Variants in TGM4 observed in about 807,000 individuals in gnomAD.
The protein encoded by TGM4 is protein-glutamine gamma-glutamyltransferase 4.
In TGM4, 61 loss-of-function variants were observed where a neutral mutation model predicts 76.3. That is an observed-to-expected ratio of 0.80 (90% CI 0.65 to 0.99). The LOEUF (loss-of-function observed/expected upper bound fraction) is 0.99, where lower values mean the gene tolerates loss of function less well. TGM4 is among the 50% of genes least tolerant of loss of function. The pLI is 0.00. For missense variants in TGM4, 794 were observed against 843.2 expected, an observed-to-expected ratio of 0.94 and a Z score of 0.72; for synonymous variants, 337 against 329.8, an observed-to-expected ratio of 1.02 and a Z score of -0.24.
rs1411303413 is a variant in TGM4 at position 44,910,360 on chromosome 3, A to G, written c.1598A>G (p.Gln533Arg). Residue 533 changes from glutamine (Q) to arginine (R), a missense_variant, in exon 11 of 14, where the codon CAA becomes CGA. Physicochemically the swap from Gln to Arg is conservative, Grantham distance 43. Transcript: ENST00000296125. ...LCDLNKTSQI[Q>R]GQVSEVTLTL... Reference sequence around the variant, plus strand: ...GACCTCAATAAGACCTCGCAGATCCAAGGTCAAGGTACCAGAACCAGAGGG... The same window carrying G: ...GACCTCAATAAGACCTCGCAGATCCGAGGTCAAGGTACCAGAACCAGAGGG... 2.5e-6 allele frequency: 4 copies of G among 1,613,432 alleles called. No homozygotes were observed. Among genetic ancestry groups the G allele is most frequent in the Non-Finnish European group, 2.5e-6 (3 of 1,179,444 alleles).
intron 5 of TGM4, among the ~76,000 whole-genome samples, chr3:44,895,863 A>G (rs1699772255): frequency 6.6e-6 from 1 of 152,224 alleles, no homozygotes; most frequent in African/African-American, 2.4e-5. Context: ...TGAGATATAA[A>G]TGATATCTTG....
rs36081973 is a variant in TGM4 at position 44,885,365 on chromosome 3, C to T, written c.60C>T (p.Asn20=). Residue 20 remains asparagine, a synonymous_variant, in exon 2 of 14, where the codon AAC becomes AAT. Coordinates refer to ENST00000296125, the MANE Select transcript of TGM4 (RefSeq NM_003241.4). ...VLHIDFLNQD[N]AVSHHTWEFQ... is the part of the protein sequence containing the mutation. ...ACATTGACTTCTTGAATCAGGACAA[C>T]GCCGTTTCTCACCACACATGGGAGT... 2.5e-3 allele frequency: 4,112 copies of T among 1,613,706 alleles called. 11 individuals are homozygous for T. Among genetic ancestry groups the T allele is most frequent in the Admixed American group, 4.1e-3 (244 of 59,998 alleles).
intron 1 of TGM4, among the ~76,000 whole-genome samples, chr3:44,877,501 C>CCAGCTACT (rs948810350): frequency 1.3e-5 from 2 of 151,730 alleles, no homozygotes; most frequent in South Asian, 2.1e-4. Context: ...ATCGGTAGTT[C>CCAGCTACT]CAGCTACTCA....
intron 1 of TGM4, among the ~76,000 whole-genome samples, 160 bp from the exon 2 acceptor site, chr3:44,885,165 T>C (rs1165995308): frequency 6.6e-6 from 1 of 152,024 alleles, no homozygotes. Context: ...AGAAACTGAG[T>C]CTCAGACAGA....
In TGM4 at chr3:44,907,244, C is replaced by T. The variant is rs146444649; in HGVS notation, c.1327+44C>T. 2.6e-4 allele frequency: 414 copies of T among 1,598,172 alleles called. 4 individuals carry two copies. Among genetic ancestry groups the T allele is most frequent in the African/African-American group, 2.0e-3 (148 of 74,098 alleles). ...TCCTTCTGACTCAGCCCCTGAGTCA[C>T]CCAGAACATGAAAATAGTCAAGATT... is the stretch of plus-strand genomic sequence containing the variant. On this transcript the variant is annotated intron_variant, in intron 10 of 13. Coordinates refer to ENST00000296125, the MANE Select transcript of TGM4 (RefSeq NM_003241.4).
At position 44,910,071 on chromosome 3, in the gene TGM4, G is replaced by C. The variant is rs1314139661; in HGVS notation, c.1328-19G>C. On this transcript the variant is annotated intron_variant, in intron 10 of 13. Coordinates refer to ENST00000296125, the MANE Select transcript of TGM4 (RefSeq NM_003241.4). ...CTTGAAGGAGCACCTGAAGGAAGCT[G>C]CCTTTGTGTCTCTTTCAGGCTCCTC... 1 of 1,608,000 alleles carries C rather than the reference G, an allele frequency of 6.2e-7. No individual in the cohort carries two copies. The highest frequency in any genetic ancestry group is 1.3e-5 in the African/African-American group (1 of 74,690).
Position 44,890,738 on chromosome 3 carries a change from G to T in TGM4, c.430+6G>T. On this transcript the variant is annotated splice_donor_region_variant and intron_variant, in intron 4 of 13. Coordinates refer to ENST00000296125, the MANE Select transcript of TGM4 (RefSeq NM_003241.4). Reference sequence around the variant, plus strand: ...CTTCAACCCATGGTGTAAAGGTACTGTGAATCTCAGGTCTGCTGGGGAATG... The same window carrying T: ...CTTCAACCCATGGTGTAAAGGTACTTTGAATCTCAGGTCTGCTGGGGAATG... The T allele has an allele frequency of 1.2e-6, 2 of 1,613,728 alleles. No individual in the cohort carries two copies. Among genetic ancestry groups the T allele is most frequent in the Non-Finnish European group, 1.7e-6 (2 of 1,179,714 alleles).
intron 2 of TGM4, among the ~76,000 whole-genome samples, chr3:44,887,326 G>C (rs1042147022): frequency 1.3e-5 from 2 of 152,216 alleles, no homozygotes; most frequent in African/African-American, 4.8e-5. Flanking sequence ...CAGTTCCCCT[G>C]CATTGCGTGG....
chr3:44,888,154 C>G (rs946104243), intron 3 of TGM4: 1 of 236,330 alleles, frequency 4.2e-6, no homozygotes, highest in African/African-American at 2.2e-5. Context: ...TGGTCAAATA[C>G]AAAATGGGGG....
At chr3:44,897,000 CTTTTTTTTTTT>C (rs59154155) in intron 6 of TGM4, among the ~76,000 whole-genome samples, 184 bp downstream of exon 6, 2 of 104,402 alleles carry the variant, frequency 1.9e-5, no homozygotes, top group Admixed American at 2.1e-4. Flanking sequence ...GTTTTCTTTT[CTTTTTTTTTTT>C]TTTTTTTTTT....
At chr3:44,908,471 C>T (rs1699956590) in intron 10 of TGM4, among the ~76,000 whole-genome samples, 1 of 151,270 alleles carries the variant, frequency 6.6e-6, no homozygotes, top group Non-Finnish European at 1.5e-5. Context: ...GAGAGGGAGA[C>T]CAGTGGTGTC....
chr3:44,881,290 C>T (rs868117097), intron 1 of TGM4, among the ~76,000 whole-genome samples: 61 of 152,274 alleles, frequency 4.0e-4, no homozygotes, highest in African/African-American at 1.3e-3. Flanking sequence ...TAGAAAAGGT[C>T]AGTCCCTTTC....
At chr3:44,882,958 C>T (rs771063704) in intron 1 of TGM4, among the ~76,000 whole-genome samples, 11 of 152,364 alleles carry the variant, frequency 7.2e-5, no homozygotes, top group Non-Finnish European at 1.3e-4. Flanking sequence ...TAAGAAGCTT[C>T]CACAGAGATG....
intron 6 of TGM4, among the ~76,000 whole-genome samples, chr3:44,899,973 G>A (rs577670927): frequency 3.2e-4 from 48 of 152,288 alleles, no homozygotes; most frequent in African/African-American, 1.1e-3. Context: ...GCTGCATTCT[G>A]TTGGTTAGAA....
intron 6 of TGM4, among the ~76,000 whole-genome samples, chr3:44,897,171 A>C (rs1699791420): frequency 6.6e-6 from 1 of 151,446 alleles, no homozygotes. Flanking sequence ...CGCCCGGCTA[A>C]TTTTTTGTAT....
intron 1 of TGM4, among the ~76,000 whole-genome samples, chr3:44,880,040 C>A (rs1331524241): frequency 6.6e-6 from 1 of 151,970 alleles, no homozygotes; most frequent in South Asian, 2.1e-4. Flanking sequence ...CTCAAGGGAT[C>A]CCCCTGCCTC....
In TGM4 at chr3:44,907,165, G is replaced by T; in HGVS notation, c.1292G>T (p.Arg431Leu). Residue 431 changes from arginine to leucine, a missense_variant, in exon 10 of 14, where the codon CGG becomes CTG. Transcript: ENST00000296125. ...ACCAAGGCAGTGGGCCAAGACAGGC[G>T]GAGAGATATCACCTATGAGTACAAG... ...ISTKAVGQDR[R>L]RDITYEYKYP... The T allele has an allele frequency of 6.2e-7, 1 of 1,614,030 alleles. No homozygotes were observed. Among genetic ancestry groups the T allele is most frequent in the South Asian group, 1.1e-5 (1 of 91,068 alleles).
At chr3:44,911,439 CT>C (rs1201377326) in intron 13 of TGM4, 33 bp downstream of exon 13, 46 of 1,610,920 alleles carry the variant, frequency 2.9e-5, no homozygotes, top group Non-Finnish European at 3.8e-5. Flanking sequence ...TAGAAATATG[CT>C]TCTGGACATA....
intron 1 of TGM4, among the ~76,000 whole-genome samples, chr3:44,877,385 C>T (rs1021782451): frequency 1.3e-5 from 2 of 152,038 alleles, no homozygotes; most frequent in Non-Finnish European, 2.9e-5. Flanking sequence ...GAGGCGGAGG[C>T]TGCAGTGAGC....
Sources: gnomAD v4.1 joint callset for allele counts (sites outside exome capture counted in the v4.1 genomes callset) on GRCh38, gnomAD v4.1.1 for gene constraint, MANE v1.5 for transcripts, NCBI Gene and HGNC (gene_info 2026-07-23, HGNC 2026-07-21) for gene names.